Variants in FARSA observed in about 807,000 individuals in gnomAD.
FARSA encodes phenylalanyl-tRNA synthetase subunit alpha, also known as phenylalanine--tRNA ligase alpha subunit.
A neutral mutation model predicts 63.2 loss-of-function variants in FARSA; 37 were observed. The ratio of observed to expected loss-of-function variants is 0.59; its 90% CI spans 0.45 to 0.77. FARSA has a LOEUF of 0.77. Among genes scored for constraint, FARSA ranks in the 30% least tolerant of loss-of-function variants. The pLI is 0.00. For synonymous variants in FARSA, 312 were observed against 285.1 expected (o/e 1.09, Z -0.95); for missense variants, 618 against 696.6 (o/e 0.89, Z 1.27).
chr19:12,931,538 G>A (rs1971395885), intron 1 of FARSA, among the ~76,000 whole-genome samples: 1 of 152,328 alleles, frequency 6.6e-6, no homozygotes, highest in South Asian at 2.1e-4. Flanking sequence ...TAGGATTACA[G>A]GCGTGAGCCG....
At position 12,924,225 on chromosome 19, in the gene FARSA, G is replaced by A. The variant is rs1428447360; in HGVS notation, c.1314C>T (p.Phe438=). The A allele has an allele frequency of 2.5e-6, 4 of 1,614,136 alleles. No individual in the cohort carries two copies. In the East Asian group the frequency reaches 8.9e-5, roughly 36 times the overall value. Residue 438 remains phenylalanine, a synonymous_variant, in exon 12 of 13, where the codon TTC becomes TTT. Transcript: ENST00000314606. The surrounding 1 kb of genome is among the most constrained non-coding windows in gnomAD (Gnocchi z 6.4). ...CCATGGGCAGCAGCATCTCTGGACG[G>A]AAGACCCCCGAGTTTCCGACCTCCA... ...KWVEVGNSGV[F]RPEMLLPMGL...
chr19:12,929,356 G>A (rs1473574858), intron 4 of FARSA, among the ~76,000 whole-genome samples: 3 of 152,112 alleles, frequency 2.0e-5, no homozygotes, highest in East Asian at 1.9e-4. Flanking sequence ...ACAGGCACCC[G>A]CCACCACACC....
intron 7 of FARSA, among the ~76,000 whole-genome samples, chr19:12,925,915 C>T (rs932557490): frequency 2.6e-5 from 4 of 151,824 alleles, no homozygotes; most frequent in African/African-American, 4.8e-5. Flanking sequence ...TCAAGTGATC[C>T]GCCTGCCTGG....
At chr19:12,929,752 CTT>C (rs1971368938) in intron 4 of FARSA, among the ~76,000 whole-genome samples, 1 of 152,190 alleles carries the variant, frequency 6.6e-6, no homozygotes, top group Non-Finnish European at 1.5e-5. Flanking sequence ...GCTCTAGTCT[CTT>C]CTCTCTGCCA....
Position 12,925,146 on chromosome 19 carries a change from C to T in FARSA, c.870G>A (p.Met290Ile). 6.2e-7 allele frequency: 1 copy of T among 1,603,476 alleles called. No homozygotes were observed. Among genetic ancestry groups the T allele is most frequent in the East Asian group, 2.3e-5 (1 of 44,330 alleles). ...RDPAEALQLP[M>I]DYVQRVKRTH... ...TCCGCTTGACCCGCTGGACATAGTC[C>T]ATTGGGAGCTGCAGGGCCTCCGCTG... Residue 290 changes from methionine (M) to isoleucine (I), a missense_variant, in exon 8 of 13, where the codon ATG becomes ATA. By Grantham distance (10) the Met-to-Ile change is conservative (BLOSUM62 1). Coordinates refer to ENST00000314606, the MANE Select transcript of FARSA (RefSeq NM_004461.3).
chr19:12,924,371 A>G lies in FARSA; in HGVS notation c.1273+78T>C. 1 of 1,546,944 alleles carries G rather than the reference A, an allele frequency of 6.5e-7. No individual in the cohort carries two copies. Among genetic ancestry groups the G allele is most frequent in the Admixed American group, 1.7e-5 (1 of 59,872 alleles). The stretch of plus-strand genomic sequence containing the variant: ...TGAGCTTGGGAGGTGGGGTACAGGC[A>G]TGGCAATGGGGGGACCCAGGCCAAA... On this transcript the variant is annotated intron_variant, in intron 11 of 12. Coordinates refer to ENST00000314606, the MANE Select transcript of FARSA (RefSeq NM_004461.3). The surrounding 1 kb of genome is among the most constrained non-coding windows in gnomAD (Gnocchi z 6.4).
intron 7 of FARSA, among the ~76,000 whole-genome samples, chr19:12,927,423 C>T (rs1447016081): frequency 1.3e-5 from 2 of 151,838 alleles, no homozygotes; most frequent in East Asian, 3.9e-4. Context: ...ATAGTGAGAA[C>T]AAAACAAAAC....
chr19:12,931,785 GGTCCAGA>G (rs747339564), intron 1 of FARSA, among the ~76,000 whole-genome samples: 1 of 152,146 alleles, frequency 6.6e-6, no homozygotes, highest in Non-Finnish European at 1.5e-5. Flanking sequence ...TGAGGTTCCA[GGTCCAGA>G]GTCATGAAGA....
chr19:12,926,178 A>G (rs1409425887), intron 7 of FARSA, among the ~76,000 whole-genome samples: 1 of 149,790 alleles, frequency 6.7e-6, no homozygotes, highest in Non-Finnish European at 1.5e-5. Context: ...CATGTTGGCC[A>G]GGATGGTCTC....
At chr19:12,929,870 A>G (rs1971370690) in intron 4 of FARSA, among the ~76,000 whole-genome samples, 1 of 152,162 alleles carries the variant, frequency 6.6e-6, no homozygotes, top group Non-Finnish European at 1.5e-5. Context: ...TTTGGACCAC[A>G]CTAAGGACAG....
In FARSA at chr19:12,928,368, T is replaced by G; in HGVS notation, c.815A>C (p.Asp272Ala). 1.2e-6 allele frequency: 2 copies of G among 1,614,054 alleles called. No homozygotes were observed. Among genetic ancestry groups the G allele is most frequent in the Non-Finnish European group, 1.7e-6 (2 of 1,180,006 alleles). ...TCGAAGGAAGAAGGTGTCGTGCTGG[T>G]CACGGGCTGGGTGCTGCTGGGGCTG... ...LFQPQQHPAR[D>A]QHDTFFLRDP... The change falls in exon 7 of 13, where the codon GAC (aspartate) becomes GCC (alanine). Residue 272 changes from aspartate (D) to alanine (A), a missense_variant. By Grantham distance (126) the Asp-to-Ala change is moderately radical. Coordinates refer to ENST00000314606, the MANE Select transcript of FARSA (RefSeq NM_004461.3).
chr19:12,926,916 G>C (rs1306707425), intron 7 of FARSA, among the ~76,000 whole-genome samples: 9 of 152,244 alleles, frequency 5.9e-5, no homozygotes, highest in Non-Finnish European at 8.8e-5. Flanking sequence ...ATAGTGGCTA[G>C]TATGTGATGA....
rs758753731 is a variant in FARSA, at chr19:12,930,653, G to A, written c.244C>T (p.Arg82Ter). Residue 82 changes from arginine (R) to a stop codon, truncating the protein, a stop_gained, in exon 2 of 13, where the codon CGA becomes TGA. Transcript: ENST00000314606. LOFTEE classifies it high-confidence loss of function. The part of the protein sequence containing the change: ...REGSHEARVF[R>*]SIPPEGLAQS... ...GCCAGGCCCTCTGGGGGAATGCTTCGAAACACACGGGCCTCATGGCTGCCC... is the reference window on the plus strand; with the variant it reads ...GCCAGGCCCTCTGGGGGAATGCTTCAAAACACACGGGCCTCATGGCTGCCC... The A allele has an allele frequency of 3.1e-6, 5 of 1,613,622 alleles. No homozygotes were observed. The highest frequency in any genetic ancestry group is 1.7e-5 in the Admixed American group (1 of 60,008).
At chr19:12,922,939 G>C (rs1971281326) in intron 12 of FARSA, 53 bp from the exon 13 acceptor site, 8 of 1,610,654 alleles carry the variant, frequency 5.0e-6, no homozygotes, top group Non-Finnish European at 6.8e-6. Flanking sequence ...GCACCCTTCT[G>C]CTCAGATTTC....
chr19:12,930,557 C>A, intron 2 of FARSA, 30 bp from the exon 3 acceptor site: 1 of 1,609,386 alleles, frequency 6.2e-7, no homozygotes, highest in Admixed American at 1.7e-5. Context: ...GTGAGTGGGG[C>A]ACGAGGGCCA....
chr19:12,923,477 G>C (rs1971287987), intron 12 of FARSA, among the ~76,000 whole-genome samples: 1 of 152,098 alleles, frequency 6.6e-6, no homozygotes, highest in Non-Finnish European at 1.5e-5. Flanking sequence ...AATTTTTGTA[G>C]TTTTAGTAGA....
intron 12 of FARSA, among the ~76,000 whole-genome samples, chr19:12,923,514 G>A (rs1391218259): frequency 6.6e-6 from 1 of 152,026 alleles, no homozygotes; most frequent in Non-Finnish European, 1.5e-5. Flanking sequence ...ACACTCTGTT[G>A]TCTAGACTAG....
chr19:12,930,589 CCCAT>C lies in FARSA; in HGVS notation c.285+19_285+22del. On this transcript the variant is annotated intron_variant, in intron 2 of 12. Transcript: ENST00000314606. ...GCCACCTTCATCCCATCACTCACTC[CCCAT>C]TCACCCCGCAGCTCCTACCATAAGC... 1 of 1,607,348 alleles carries C rather than the reference CCCAT, an allele frequency of 6.2e-7. No homozygotes were observed. The highest frequency in any genetic ancestry group is 8.5e-7 in the Non-Finnish European group (1 of 1,175,814).
chr19:12,928,879 G>T, intron 4 of FARSA, 32 bp from the exon 5 acceptor site: 1 of 1,592,010 alleles, frequency 6.3e-7, no homozygotes, highest in Non-Finnish European at 8.6e-7. Context: ...GGACGCCACT[G>T]CCATCTCCTC....
Sources: gnomAD v4.1 joint callset for allele counts (sites outside exome capture counted in the v4.1 genomes callset) on GRCh38, gnomAD v4.1.1 for gene constraint, Gnocchi (gnomAD v3.1) non-coding constraint, MANE v1.5 for transcripts, NCBI Gene and HGNC (gene_info 2026-07-23, HGNC 2026-07-21) for gene names.